Variants in MARCHF1 observed in about 807,000 individuals in gnomAD.
MARCHF1 encodes the protein membrane associated ring-CH-type finger 1.
MARCHF1 carries 40 observed loss-of-function variants against 54.2 expected under a neutral mutation model. The ratio of observed to expected loss-of-function variants is 0.74; its 90% CI spans 0.57 to 0.96. The LOEUF (loss-of-function observed/expected upper bound fraction) is 0.96, where lower values mean the gene tolerates loss of function less well. MARCHF1 is among the 40% of genes least tolerant of loss of function. The pLI, the probability that MARCHF1 is intolerant of heterozygous loss-of-function variation, is 0.00. For synonymous variants in MARCHF1, 236 were observed against 236.3 expected, an observed-to-expected ratio of 1.00 and a Z score of 0.01; for missense variants, 586 against 656.5, an observed-to-expected ratio of 0.89 and a Z score of 1.17.
chr4:163,658,708 C>T (rs938483583), intron 5 of MARCHF1, among the ~76,000 whole-genome samples: 1 of 152,042 alleles, frequency 6.6e-6, no homozygotes, highest in African/African-American at 2.4e-5. Context: ...CCAAACACTG[C>T]ATGTTCTCAC....
intron 4 of MARCHF1, among the ~76,000 whole-genome samples, chr4:163,703,449 G>T (rs1744864645): frequency 2.0e-5 from 3 of 152,112 alleles, no homozygotes; most frequent in Non-Finnish European, 4.4e-5. Flanking sequence ...TGGGTGGCTT[G>T]TCCCATTACT....
Position 163,843,568 on chromosome 4 carries a change from T to C in MARCHF1, c.111+10453A>G, listed in dbSNP as rs559622723. Among the ~76,000 whole-genome samples, 3 of 152,146 alleles carry C rather than the reference T, an allele frequency of 2.0e-5. No individual in the cohort carries two copies. In the East Asian group the frequency reaches 5.8e-4, roughly 29 times the overall value. On this transcript the variant is annotated intron_variant, in intron 4 of 9. Transcript: ENST00000514618. Reference sequence around the variant, plus strand: ...TATTTTTTAAGTTCCAGGGTACATGTGCAGGATGCGCAGGTTTGTTACATA... The same window carrying C: ...TATTTTTTAAGTTCCAGGGTACATGCGCAGGATGCGCAGGTTTGTTACATA...
At chr4:163,711,979 G>T (rs150868294) in intron 4 of MARCHF1, among the ~76,000 whole-genome samples, 2 of 152,120 alleles carry the variant, frequency 1.3e-5, no homozygotes, top group African/African-American at 4.8e-5. Context: ...TTACTCTGGA[G>T]GTATAATCAT....
rs1293261228 is a variant in MARCHF1 at position 164,111,654 on chromosome 4, G to A, written c.-314C>T. 1.3e-5 allele frequency: 2 copies of A among 151,546 alleles called. No homozygotes were observed. The highest frequency in any genetic ancestry group is 4.8e-5 in the African/African-American group (2 of 41,374). 9.4% of individuals were successfully genotyped at this position (151,546 alleles called of 1,614,324 possible). On this transcript the variant is annotated 5_prime_UTR_variant, in exon 2 of 10. Transcript: ENST00000514618. ...TATATTCTCTCAGAGTTCTTTTGGG[G>A]TACATTTCCTGAAACGAAAATTAAA...
intron 1 of MARCHF1, among the ~76,000 whole-genome samples, chr4:164,378,556 G>A (rs973192365): frequency 6.6e-6 from 1 of 152,194 alleles, no homozygotes; most frequent in Non-Finnish European, 1.5e-5. Context: ...CGGTGGCTAC[G>A]CCTTGGCATC....
intron 2 of MARCHF1, among the ~76,000 whole-genome samples, chr4:164,101,044 G>C (rs566886675): frequency 6.6e-6 from 1 of 152,336 alleles, no homozygotes; most frequent in African/African-American, 2.4e-5. Context: ...CGAATACTGC[G>C]CTTTTCCAAT....
intron 3 of MARCHF1, among the ~76,000 whole-genome samples, chr4:163,904,817 GAAT>G (rs1464130400): frequency 6.6e-6 from 1 of 151,696 alleles, no homozygotes; most frequent in African/African-American, 2.4e-5. Context: ...GACAGAGAGA[GAAT>G]GAATGTGTTT....
chr4:163,888,077 C>T (rs765298955), intron 3 of MARCHF1, among the ~76,000 whole-genome samples: 95 of 152,136 alleles, frequency 6.2e-4, no homozygotes, highest in Middle Eastern at 3.2e-3. Flanking sequence ...AGGATGTCTG[C>T]GCTTTAAAAC....
intron 3 of MARCHF1, among the ~76,000 whole-genome samples, chr4:163,860,442 A>C (rs1378424331): frequency 6.6e-6 from 1 of 152,198 alleles, no homozygotes; most frequent in East Asian, 1.9e-4. Context: ...CAGTCTTACA[A>C]AAAAGACTTA....
chr4:163,529,931 G>T (rs1366097307), intron 9 of MARCHF1: 4 of 152,002 alleles, frequency 2.6e-5, no homozygotes, highest in Admixed American at 2.0e-4. Context: ...TCCCGTAAGT[G>T]AAAAGTTGTG....
chr4:164,167,900 A>C (rs1430558064), intron 1 of MARCHF1, among the ~76,000 whole-genome samples: 1 of 152,014 alleles, frequency 6.6e-6, no homozygotes, highest in Non-Finnish European at 1.5e-5. Flanking sequence ...CTCAGGCTAC[A>C]AAAGCAAAAA....
chr4:163,593,809 A>T (rs79081515), intron 7 of MARCHF1, among the ~76,000 whole-genome samples: 1 of 152,210 alleles, frequency 6.6e-6, no homozygotes, highest in Non-Finnish European at 1.5e-5. Flanking sequence ...AGTACAAAAT[A>T]CTGATGTTTT....
intron 3 of MARCHF1, among the ~76,000 whole-genome samples, chr4:163,885,948 T>G (rs1750521120): frequency 6.8e-6 from 1 of 147,520 alleles, no homozygotes; most frequent in African/African-American, 2.5e-5. Flanking sequence ...TATATAAATA[T>G]ATATATTTAT....
At chr4:164,156,324 T>C (rs1467524714) in intron 1 of MARCHF1, among the ~76,000 whole-genome samples, 1 of 152,216 alleles carries the variant, frequency 6.6e-6, no homozygotes, top group Non-Finnish European at 1.5e-5. Context: ...AACTAGTATT[T>C]AATTAATTAA....
At chr4:163,593,693 G>C (rs1245497396) in intron 7 of MARCHF1, among the ~76,000 whole-genome samples, 1 of 152,040 alleles carries the variant, frequency 6.6e-6, no homozygotes, top group Non-Finnish European at 1.5e-5. Flanking sequence ...AAAGTCTCAA[G>C]TTGCCATGGA....
In MARCHF1 at chr4:164,306,196, T is replaced by C. The variant is rs114776983; in HGVS notation, c.-323+77674A>G. On this transcript the variant is annotated intron_variant, in intron 1 of 9. Coordinates refer to ENST00000514618, the MANE Select transcript of MARCHF1 (RefSeq NM_001394959.1). ...AACCTCTCATTCTCAAGGATGATAG[T>C]TCACAGATTTGTTCACCTTTCCTTA... 4.8e-3 allele frequency among the ~76,000 whole-genome samples: 730 copies of C among 152,256 alleles called. 5 individuals carry two copies. Among genetic ancestry groups the C allele is most frequent in the African/African-American group, 0.017 (692 of 41,560 alleles).
chr4:164,049,592 T>C (rs17044422), intron 2 of MARCHF1, among the ~76,000 whole-genome samples: 3,918 of 152,284 alleles, frequency 0.026, 155 homozygotes, highest in African/African-American at 0.085. Flanking sequence ...GATTTCCTTA[T>C]GACACCCTGA....
chr4:164,047,404 A>T (rs190224216), intron 2 of MARCHF1, among the ~76,000 whole-genome samples: 1 of 152,312 alleles, frequency 6.6e-6, no homozygotes, highest in East Asian at 1.9e-4. Flanking sequence ...ATCTCAGGAA[A>T]CTTAGGAGCA....
intron 1 of MARCHF1, among the ~76,000 whole-genome samples, chr4:164,334,266 G>A (rs1729668408): frequency 6.6e-6 from 1 of 152,176 alleles, no homozygotes; most frequent in Non-Finnish European, 1.5e-5. Flanking sequence ...GAGTTTCATA[G>A]ATAGAGAGAG....
Sources: gnomAD v4.1 joint callset for allele counts (sites outside exome capture counted in the v4.1 genomes callset) on GRCh38, gnomAD v4.1.1 for gene constraint, MANE v1.5 for transcripts, NCBI Gene and HGNC (gene_info 2026-07-23, HGNC 2026-07-21) for gene names.